CNTNAP2: variants seen among roughly 807,000 people sequenced by gnomAD.
The protein encoded by CNTNAP2 is contactin associated protein 2.
Under a neutral mutation model 155.2 loss-of-function variants are expected in CNTNAP2, and 98 were observed. The ratio of observed to expected loss-of-function variants is 0.63; its 90% CI spans 0.54 to 0.75. The LOEUF (loss-of-function observed/expected upper bound fraction) is 0.75. CNTNAP2 is among the 30% of genes least tolerant of loss of function. CNTNAP2 has a pLI of 0.00. For synonymous variants in CNTNAP2, 651 were observed against 631.2 expected (o/e 1.03, Z -0.47); for missense variants, 1,727 against 1,688.1 (o/e 1.02, Z -0.40).
intron 3 of CNTNAP2, among the ~76,000 whole-genome samples, chr7:147,002,987 A>G (rs183624876): frequency 2.0e-4 from 31 of 151,814 alleles, no homozygotes; most frequent in Non-Finnish European, 1.5e-5. Context: ...GCAAACTGGA[A>G]AAGAAGACAA....
intron 13 of CNTNAP2, among the ~76,000 whole-genome samples, chr7:147,838,656 G>T (rs1280430301): frequency 6.6e-6 from 1 of 152,162 alleles, no homozygotes; most frequent in Non-Finnish European, 1.5e-5. Context: ...TTCCCAACAA[G>T]TTCCTCATTC....
chr7:146,443,851 G>T (rs914890570), intron 1 of CNTNAP2, among the ~76,000 whole-genome samples: 16 of 152,140 alleles, frequency 1.1e-4, no homozygotes, highest in Non-Finnish European at 1.8e-4. Context: ...ATAGCATAAA[G>T]CCCTATTCTA....
chr7:147,378,997 A>G (rs370733311), intron 9 of CNTNAP2, among the ~76,000 whole-genome samples: 14 of 151,996 alleles, frequency 9.2e-5, no homozygotes, highest in African/African-American at 2.9e-4. Context: ...TGCTATTCTC[A>G]CAATAGTGAG....
chr7:147,137,913 A>ATAGATAGATAGG (rs1429334320), intron 8 of CNTNAP2, among the ~76,000 whole-genome samples: 4 of 110,992 alleles, frequency 3.6e-5, no homozygotes, highest in Non-Finnish European at 8.2e-5. Flanking sequence ...AGATAGATAG[A>ATAGATAGATAGG]TAGGTAGATA....
intron 8 of CNTNAP2, among the ~76,000 whole-genome samples, chr7:147,254,284 C>T (rs1052551132): frequency 7.2e-5 from 11 of 152,026 alleles, no homozygotes; most frequent in African/African-American, 2.7e-4. Context: ...TAAGTTTTTT[C>T]GTAATGCCAC....
chr7:146,837,089 A>G (rs1266106264), intron 2 of CNTNAP2, among the ~76,000 whole-genome samples: 1 of 152,106 alleles, frequency 6.6e-6, no homozygotes, highest in East Asian at 1.9e-4. Flanking sequence ...AATTCAATAA[A>G]CTTCTCACAT....
intron 3 of CNTNAP2, among the ~76,000 whole-genome samples, chr7:146,848,795 C>A (rs944926373): frequency 6.6e-6 from 1 of 152,156 alleles, no homozygotes; most frequent in African/African-American, 2.4e-5. Flanking sequence ...TATTTAGAGA[C>A]AGAATCTCGC....
chr7:147,464,548 A>T (rs1278280593), intron 10 of CNTNAP2, among the ~76,000 whole-genome samples: 1 of 150,864 alleles, frequency 6.6e-6, no homozygotes, highest in Admixed American at 6.6e-5. Flanking sequence ...GACCTTGAGC[A>T]CTCTTAATAT....
chr7:146,906,341 TGGGG>T (rs1324676988), intron 3 of CNTNAP2, among the ~76,000 whole-genome samples: 2 of 152,204 alleles, frequency 1.3e-5, no homozygotes, highest in African/African-American at 4.8e-5. Context: ...GCTCCACCTC[TGGGG>T]GCAGGGCACA....
rs28739364 is a variant in CNTNAP2 at position 148,086,109 on chromosome 7, A to C, written c.2384-32009A>C. Among the ~76,000 whole-genome samples the C allele has an allele frequency of 9.8e-3, 1,497 of 152,304 alleles. 31 individuals are homozygous for C. Among genetic ancestry groups the C allele is most frequent in the African/African-American group, 0.034 (1,416 of 41,568 alleles). On this transcript the variant is annotated intron_variant, in intron 15 of 23. Transcript: ENST00000361727. ...AAGAAAAAGGAGTCTCAGGAAGTTTAGTTTGCCCAACTAGAAATTGAGCAC... is the reference window on the plus strand; with the variant it reads ...AAGAAAAAGGAGTCTCAGGAAGTTTCGTTTGCCCAACTAGAAATTGAGCAC...
At chr7:147,187,617 G>A (rs564890991) in intron 8 of CNTNAP2, among the ~76,000 whole-genome samples, 131 of 152,150 alleles carry the variant, frequency 8.6e-4, no homozygotes, top group Admixed American at 1.3e-4. Flanking sequence ...AGAGAGAGAC[G>A]GATTGGGGCA....
chr7:147,249,604 T>TAAAAAAAAAAAAAAAAAAAAAAAAAAA lies in CNTNAP2; in HGVS notation c.1349-50516_1349-50515insAAAAAAAAAAAAAAAAAAAAAAAAAAA, dbSNP rs755601249. ...CTATAATAAAGGAAGACATTGGAGGTAAAAAAAAAAAAAAAAAAAAAGGTT... is the reference window on the plus strand; with the variant it reads ...CTATAATAAAGGAAGACATTGGAGGTAAAAAAAAAAAAAAAAAAAAAAAAAAAAAAAAAAAAAAAAAAAAAAAAGGTT... On this transcript the variant is annotated intron_variant, in intron 8 of 23. Coordinates refer to ENST00000361727, the MANE Select transcript of CNTNAP2 (RefSeq NM_014141.6). Among the ~76,000 whole-genome samples, 44 of 69,996 alleles carry TAAAAAAAAAAAAAAAAAAAAAAAAAAA rather than the reference T, an allele frequency of 6.3e-4. 2 individuals are homozygous for TAAAAAAAAAAAAAAAAAAAAAAAAAAA. The highest frequency in any genetic ancestry group is 6.3e-3 in the East Asian group (7 of 1,118). 45.9% of individuals were successfully genotyped at this position (69,996 alleles called of 152,430 possible). A position where few individuals can be genotyped will look rare whatever the true frequency, so the allele number is the denominator to read the frequency against.
intron 1 of CNTNAP2, among the ~76,000 whole-genome samples, chr7:146,756,412 T>C (rs1409698162): frequency 6.6e-6 from 1 of 152,044 alleles, no homozygotes; most frequent in Admixed American, 6.6e-5. Flanking sequence ...TTAGTTGTAC[T>C]ACTATAAGTA....
chr7:146,972,562 A>G (rs750214862), intron 3 of CNTNAP2, among the ~76,000 whole-genome samples: 1 of 152,200 alleles, frequency 6.6e-6, no homozygotes, highest in South Asian at 2.1e-4. Flanking sequence ...TAAAATAAAC[A>G]ATAATGATGT....
intron 13 of CNTNAP2, among the ~76,000 whole-genome samples, chr7:147,860,715 C>G (rs1450097973): frequency 1.3e-5 from 2 of 152,132 alleles, no homozygotes; most frequent in Non-Finnish European, 2.9e-5. Context: ...GATGCCTCCT[C>G]AGCCATGAGG....
intron 21 of CNTNAP2, among the ~76,000 whole-genome samples, chr7:148,365,990 GTGTATGCA>G (rs1347137248): frequency 0.031 from 59 of 1,904 alleles, 29 homozygotes; most frequent in African/African-American, 0.034. Flanking sequence ...GTATACATGT[GTGTATGCA>G]TGTATGCATG....
intron 8 of CNTNAP2, among the ~76,000 whole-genome samples, chr7:147,198,942 G>A (rs1802863906): frequency 6.8e-6 from 1 of 148,036 alleles, no homozygotes; most frequent in African/African-American, 2.5e-5. Context: ...CCTCTAACTA[G>A]CTAATCAAAG....
chr7:146,599,810 T>C (rs1798922348), intron 1 of CNTNAP2, among the ~76,000 whole-genome samples: 1 of 148,806 alleles, frequency 6.7e-6, no homozygotes. Flanking sequence ...TACTGCATCG[T>C]TTGTGCTTAC....
chr7:147,249,256 A>G (rs1015373597), intron 8 of CNTNAP2, among the ~76,000 whole-genome samples: 3 of 152,100 alleles, frequency 2.0e-5, no homozygotes, highest in African/African-American at 7.2e-5. Context: ...TATGCCTGTG[A>G]TTATAGGATT....
Sources: gnomAD v4.1 joint callset for allele counts (sites outside exome capture counted in the v4.1 genomes callset) on GRCh38, gnomAD v4.1.1 for gene constraint, MANE v1.5 for transcripts, NCBI Gene and HGNC (gene_info 2026-07-23, HGNC 2026-07-21) for gene names.